The following GEN1 variants were observed in gnomAD, a reference collection of about 807,000 sequenced individuals.
GEN1 encodes the protein flap endonuclease GEN homolog 1.
A neutral mutation model predicts 67.6 loss-of-function variants in GEN1; 64 were observed. The observed-to-expected ratio is 0.95, with a 90% CI of 0.77 to 1.17. The LOEUF is 1.17. Ranked by LOEUF, GEN1 falls within the 50% of genes most tolerant of loss-of-function variation. The pLI is 0.00. For missense variants in GEN1, 1,058 were observed against 1,048.3 expected (o/e 1.01, Z -0.13); for synonymous variants, 371 against 359.4 (o/e 1.03, Z -0.37).
At chr2:17,777,236 A>G (rs1395147028) in intron 11 of GEN1, among the ~76,000 whole-genome samples, 1 of 152,218 alleles carries the variant, frequency 6.6e-6, no homozygotes, top group Non-Finnish European at 1.5e-5. Context: ...CAGCCCAGGA[A>G]TTGATTAAAA....
chr2:17,770,579 T>C (rs1672133238), intron 6 of GEN1, among the ~76,000 whole-genome samples: 2 of 152,178 alleles, frequency 1.3e-5, no homozygotes, highest in African/African-American at 2.4e-5. Flanking sequence ...CCTGGAACTT[T>C]AGCCAAAAAC....
At chr2:17,772,920 C>A (rs1322225450) in intron 8 of GEN1, 136 bp downstream of exon 8, 15 of 946,186 alleles carry the variant, frequency 1.6e-5, no homozygotes, top group African/African-American at 5.0e-5. Context: ...CATTTCTGTT[C>A]AAAAATTTAG....
At chr2:17,777,247 C>A (rs1474794749) in intron 11 of GEN1, among the ~76,000 whole-genome samples, 1 of 151,920 alleles carries the variant, frequency 6.6e-6, no homozygotes, top group East Asian at 1.9e-4. Flanking sequence ...TTGATTAAAA[C>A]GTATTTGGAT....
chr2:17,775,052 C>G (rs1356422286), intron 11 of GEN1, among the ~76,000 whole-genome samples: 2 of 152,024 alleles, frequency 1.3e-5, no homozygotes, highest in Admixed American at 6.6e-5. Flanking sequence ...TTTTTAAAAT[C>G]AACAATTGCG....
In GEN1 at chr2:17,766,845, G is replaced by A. The variant is rs535433603; in HGVS notation, c.636+156G>A. ...AGCTATTCAGTGACTAAAATAATCGGCATTTCAGATGGCACTAAAAAGCTG... is the reference window on the plus strand; with the variant it reads ...AGCTATTCAGTGACTAAAATAATCGACATTTCAGATGGCACTAAAAAGCTG... On this transcript the variant is annotated intron_variant, in intron 5 of 13. Coordinates refer to ENST00000381254, the MANE Select transcript of GEN1 (RefSeq NM_001130009.3). 5.9e-5 allele frequency among the ~76,000 whole-genome samples: 9 copies of A among 152,172 alleles called. No homozygotes were observed. The South Asian group carries it at 1.9e-3, about 32-fold the overall frequency.
At chr2:17,761,953 GA>G (rs1283945565) in intron 3 of GEN1, among the ~76,000 whole-genome samples, 1 of 152,068 alleles carries the variant, frequency 6.6e-6, no homozygotes, top group African/African-American at 2.4e-5. Context: ...AGAAGTCCCA[GA>G]ATACATGAGA....
At position 17,785,033 on chromosome 2, in the gene GEN1, CAT is replaced by C. The variant is rs1673010722; in HGVS notation, c.*3096_*3097del. 1 of 152,234 alleles carries C rather than the reference CAT, an allele frequency of 6.6e-6. No homozygotes were observed. Among genetic ancestry groups the C allele is most frequent in the Non-Finnish European group, 1.5e-5 (1 of 68,090 alleles). The allele number at this position is 152,234 out of a possible 1,614,324, so 9.4% of individuals were successfully genotyped here. Reference sequence around the variant, plus strand: ...CAGATCAGCGGTGGCATTAGAGTCTCATAGGAGCATGAACCCTATTGTGAACT... The same window carrying C: ...CAGATCAGCGGTGGCATTAGAGTCTCAGGAGCATGAACCCTATTGTGAACT... On this transcript the variant is annotated 3_prime_UTR_variant, in exon 14 of 14. Transcript: ENST00000381254.
upstream of GEN1, chr2:17,753,824 G>GCCCT (rs1345568468): frequency 6.9e-6 from 1 of 144,170 alleles, no homozygotes; most frequent in African/African-American, 2.5e-5. Flanking sequence ...CCTGCGCCCC[G>GCCCT]CCCTCCCTCC....
At position 17,781,521 on chromosome 2, in the gene GEN1, C is replaced by G; in HGVS notation, c.2309C>G (p.Pro770Arg). 6.2e-7 allele frequency: 1 copy of G among 1,613,630 alleles called. No individual in the cohort carries two copies. Among genetic ancestry groups the G allele is most frequent in the East Asian group, 2.2e-5 (1 of 44,860 alleles). ...GTGGTAAAGACCTGCAATGTTAGAC[C>G]ACCAAATACTGCTTTAGATCATAGT... ...NTVVKTCNVR[P>R]PNTALDHSRK... Residue 770 changes from proline (P) to arginine (R), a missense_variant, in exon 14 of 14, where the codon CCA (proline) becomes CGA (arginine). Transcript: ENST00000381254.
rs1343347149 is a variant in GEN1, at chr2:17,779,973, T to G, written c.1265-5T>G. 6.3e-7 allele frequency: 1 copy of G among 1,596,242 alleles called. No individual in the cohort carries two copies. The highest frequency in any genetic ancestry group is 8.6e-7 in the Non-Finnish European group (1 of 1,167,126). On this transcript the variant is annotated splice_polypyrimidine_tract_variant and splice_region_variant and intron_variant, in intron 12 of 13. Coordinates refer to ENST00000381254, the MANE Select transcript of GEN1 (RefSeq NM_001130009.3). ...GGACACTTTGCTGTATTTTTAATCTTTTAGAACATTATGCTATGGAAGATA... is the reference window on the plus strand; with the variant it reads ...GGACACTTTGCTGTATTTTTAATCTGTTAGAACATTATGCTATGGAAGATA...
intron 1 of GEN1, 162 bp from the exon 2 acceptor site, chr2:17,759,767 G>T: frequency 5.7e-6 from 3 of 525,136 alleles, no homozygotes; most frequent in South Asian, 3.7e-5. Flanking sequence ...CCATTTTAAC[G>T]TTTCAGGTGT....
chr2:17,778,341 C>T (rs12710646), intron 12 of GEN1, among the ~76,000 whole-genome samples: 1,426 of 7,476 alleles, frequency 0.19, 240 homozygotes, highest in East Asian at 0.47. Flanking sequence ...TATATGTATA[C>T]ACACACATGT....
chr2:17,772,952 T>TAATA lies in GEN1; in HGVS notation c.954-143_954-140dup. On this transcript the variant is annotated intron_variant, in intron 8 of 13. Transcript: ENST00000381254. ...TTAGCTAACCTAGGAGATAGTAATG[T>TAATA]AATAGTTATTCAAAGGGAAGCTTGA... 1.0e-5 allele frequency: 8 copies of TAATA among 799,978 alleles called. No homozygotes were observed. The South Asian group carries it at 1.5e-4, about 15-fold the overall frequency. The allele number at this position is 799,978 out of a possible 1,614,324, so 49.6% of individuals were successfully genotyped here.
In GEN1 at chr2:17,771,234, C is replaced by G; in HGVS notation, c.749C>G (p.Pro250Arg). 6.2e-7 allele frequency: 1 copy of G among 1,611,904 alleles called. No homozygotes were observed. Among genetic ancestry groups the G allele is most frequent in the Non-Finnish European group, 8.5e-7 (1 of 1,178,406 alleles). ...RWNETSCNSS[P>R]QLLVTKKLAH... ...AATGAAACATCTTGTAACTCTAGTC[C>G]ACAACTGCTAGTCACTAAAAAACTG... Residue 250 changes from proline to arginine, a missense_variant, in exon 7 of 14, where the codon CCA (proline) becomes CGA (arginine). Physicochemically the swap from Pro to Arg is moderately radical, Grantham distance 103 (BLOSUM62 -2). Coordinates refer to ENST00000381254, the MANE Select transcript of GEN1 (RefSeq NM_001130009.3).
At position 17,781,455 on chromosome 2, in the gene GEN1, A is replaced by G. The variant is rs969964976; in HGVS notation, c.2243A>G (p.Tyr748Cys). 1.2e-6 allele frequency: 2 copies of G among 1,613,606 alleles called. No individual in the cohort carries two copies. Among genetic ancestry groups the G allele is most frequent in the East Asian group, 2.2e-5 (1 of 44,864 alleles). ...LKGDQLLQED[Y>C]KVNTSVPYSV... is the part of the protein sequence containing the mutation. ...GGAGACCAGCTGCTTCAAGAAGACT[A>G]TAAAGTCAATACTTCTGTCCCTTAT... The change falls in exon 14 of 14, where the codon TAT becomes TGT. Residue 748 changes from tyrosine to cysteine, a missense_variant. By Grantham distance (194) the Tyr-to-Cys change is radical. Coordinates refer to ENST00000381254, the MANE Select transcript of GEN1 (RefSeq NM_001130009.3).
At chr2:17,773,945 G>T (rs1044932205) in intron 10 of GEN1, among the ~76,000 whole-genome samples, 1 of 152,060 alleles carries the variant, frequency 6.6e-6, no homozygotes, top group Admixed American at 6.6e-5. Context: ...TATGTTTAAT[G>T]CATTGCATGT....
At position 17,761,483 on chromosome 2, in the gene GEN1, T is replaced by A. The variant is rs373047766; in HGVS notation, c.249T>A (p.Ala83=). ...AAGGGGAACCACCAAAGCTGAAAGC[T>A]GATGTCATAAGCAAGAGGAATCAGT... ...VMEGEPPKLK[A]DVISKRNQSR... Residue 83 remains alanine, a synonymous_variant, in exon 3 of 14, where the codon GCT becomes GCA. Transcript: ENST00000381254. 7.4e-6 allele frequency: 12 copies of A among 1,613,314 alleles called. No homozygotes were observed. In the East Asian group the frequency reaches 1.3e-4, roughly 18 times the overall value.
At chr2:17,775,824 A>G (rs1301521297) in intron 11 of GEN1, among the ~76,000 whole-genome samples, 3 of 152,232 alleles carry the variant, frequency 2.0e-5, no homozygotes, top group Admixed American at 1.3e-4. Context: ...ACATTATCAT[A>G]TAATATTTTT....
intron 2 of GEN1, 95 bp downstream of exon 2, chr2:17,760,199 A>AG (rs1671609353): frequency 1.7e-6 from 2 of 1,182,738 alleles, no homozygotes; most frequent in East Asian, 5.0e-5. Flanking sequence ...TGTTGTTGTT[A>AG]TTCTTTTACA....
Sources: allele counts gnomAD v4.1 joint callset (sites outside exome capture counted in the v4.1 genomes callset), GRCh38; gene constraint gnomAD v4.1.1; transcripts MANE v1.5; gene names NCBI Gene and HGNC (gene_info 2026-07-23, HGNC 2026-07-21).